The following MTMR3 variants were observed in gnomAD, a reference collection of about 807,000 sequenced individuals.
The protein encoded by MTMR3 is myotubularin related protein 3.
In MTMR3, 32 loss-of-function variants were observed where a neutral mutation model predicts 132.4. The ratio of observed to expected loss-of-function variants is 0.24; its 90% confidence interval spans 0.18 to 0.32. The LOEUF (loss-of-function observed/expected upper bound fraction) is 0.32, where lower values mean the gene tolerates loss of function less well. MTMR3 is among the 10% of genes least tolerant of loss of function. The probability of loss-of-function intolerance (pLI) is 1.00; values close to 1 mark genes in which losing one functional copy is unlikely to be tolerated. For synonymous variants in MTMR3, 556 were observed against 550.3 expected, an observed-to-expected ratio of 1.01 and a Z score of -0.14; for missense variants, 1,216 against 1,489.6, an observed-to-expected ratio of 0.82 and a Z score of 3.02.
At chr22:29,978,876 T>G in intron 4 of MTMR3, 60 bp from the exon 5 acceptor site, 1 of 1,279,058 alleles carries the variant, frequency 7.8e-7, no homozygotes, top group Non-Finnish European at 1.1e-6. Context: ...CCAACTGATG[T>G]TTGAAGCTTT....
chr22:29,915,689 G>T (rs1356102092), intron 1 of MTMR3, among the ~76,000 whole-genome samples: 1 of 152,168 alleles, frequency 6.6e-6, no homozygotes, highest in Non-Finnish European at 1.5e-5. Context: ...CTCCTAAAGT[G>T]CTGGGATTAC....
intron 2 of MTMR3, among the ~76,000 whole-genome samples, chr22:29,970,056 GAGC>G (rs2066502569): frequency 6.6e-6 from 1 of 152,152 alleles, no homozygotes; most frequent in African/African-American, 2.4e-5. Flanking sequence ...TCAAAGAAAA[GAGC>G]AACTTACTTA....
rs556300971 is a variant in MTMR3, at chr22:29,957,451, T to A, written c.-85+363T>A. 1.6e-3 allele frequency among the ~76,000 whole-genome samples: 194 copies of A among 121,872 alleles called. 1 individual carries two copies. Among genetic ancestry groups the A allele is most frequent in the African/African-American group, 5.5e-3 (190 of 34,832 alleles). 80.0% of individuals were successfully genotyped at this position (121,872 alleles called of 152,430 possible). A position where few individuals can be genotyped will look rare whatever the true frequency, so the allele number is the denominator to read the frequency against. On this transcript the variant is annotated intron_variant, in intron 2 of 19. Coordinates refer to ENST00000401950, the MANE Select transcript of MTMR3 (RefSeq NM_021090.4). ...TTTATTTATTTATTTATTTATTTAT[T>A]TATTTATTGATATATTTTTTGAGAC...
intron 1 of MTMR3, among the ~76,000 whole-genome samples, chr22:29,916,481 T>C (rs1360638767): frequency 6.6e-6 from 1 of 152,126 alleles, no homozygotes; most frequent in Non-Finnish European, 1.5e-5. Context: ...CTGGCTGGGG[T>C]CTGGAAACTG....
chr22:29,945,598 G>T (rs2065937331), intron 1 of MTMR3, among the ~76,000 whole-genome samples: 1 of 151,898 alleles, frequency 6.6e-6, no homozygotes, highest in Admixed American at 6.6e-5. Flanking sequence ...CCAGCTACTT[G>T]GGAGGCTGAG....
At chr22:29,891,053 A>G (rs1347466482) in intron 1 of MTMR3, among the ~76,000 whole-genome samples, 1 of 152,090 alleles carries the variant, frequency 6.6e-6, no homozygotes, top group Non-Finnish European at 1.5e-5. Flanking sequence ...TGAGATGGGA[A>G]GAATGAAGTC....
chr22:29,908,862 G>A (rs916842706), intron 1 of MTMR3, among the ~76,000 whole-genome samples: 1 of 152,098 alleles, frequency 6.6e-6, no homozygotes, highest in Non-Finnish European at 1.5e-5. Flanking sequence ...GGAATAAAAA[G>A]TTAATTTCCA....
intron 13 of MTMR3, chr22:30,013,142 T>C (rs2067477543): frequency 2.4e-6 from 1 of 412,928 alleles, no homozygotes; most frequent in Admixed American, 4.1e-5. Flanking sequence ...ACGCAGTCAG[T>C]ACCATTTTAG....
rs1194298243 is a variant in MTMR3, at chr22:29,957,041, C to T, written c.-132C>T. 6.6e-6 allele frequency: 1 copy of T among 152,202 alleles called. No individual in the cohort carries two copies. Among genetic ancestry groups the T allele is most frequent in the Non-Finnish European group, 1.5e-5 (1 of 68,008 alleles). The allele number at this position is 152,202 out of a possible 1,614,324, so 9.4% of individuals were successfully genotyped here. A position where few individuals can be genotyped will look rare whatever the true frequency, so the allele number is the denominator to read the frequency against. The stretch of plus-strand genomic sequence containing the variant: ...AACTGTTTTTTCTTTTGCAGACTTC[C>T]TTGTGAAACCTCCTAGTAGAAAAAG... On this transcript the variant is annotated 5_prime_UTR_variant, in exon 2 of 20. Transcript: ENST00000401950.
chr22:29,946,379 A>C (rs2065954251), intron 1 of MTMR3, among the ~76,000 whole-genome samples: 1 of 152,176 alleles, frequency 6.6e-6, no homozygotes. Context: ...ATGTGCTAGC[A>C]ATAGCAGTCA....
At chr22:29,901,060 G>T (rs1199194322) in intron 1 of MTMR3, among the ~76,000 whole-genome samples, 2 of 152,086 alleles carry the variant, frequency 1.3e-5, no homozygotes, top group East Asian at 3.9e-4. Flanking sequence ...CAAATGTTAA[G>T]ATTTTATAAT....
chr22:30,016,232 C>T (rs931978890), intron 14 of MTMR3: 13 of 327,552 alleles, frequency 4.0e-5, no homozygotes, highest in African/African-American at 2.7e-4. Flanking sequence ...TGCTCCTGCA[C>T]CCAGTTCATA....
chr22:30,008,759 A>G (rs75394260), intron 11 of MTMR3: 167 of 370,706 alleles, frequency 4.5e-4, no homozygotes, highest in Middle Eastern at 2.2e-3. Flanking sequence ...CTTTTAAAAA[A>G]TAATAGCTTT....
intron 2 of MTMR3, among the ~76,000 whole-genome samples, chr22:29,967,512 G>A (rs1035768833): frequency 1.3e-5 from 2 of 151,470 alleles, no homozygotes; most frequent in Admixed American, 1.3e-4. Context: ...GATTATAAGA[G>A]TGAGCCACTG....
chr22:29,888,513 T>C (rs1255886435), intron 1 of MTMR3, among the ~76,000 whole-genome samples: 2 of 152,212 alleles, frequency 1.3e-5, no homozygotes, highest in East Asian at 1.9e-4. Context: ...AAAGCTATTC[T>C]GTTAGTGGTG....
chr22:30,020,220 T>G lies in MTMR3; in HGVS notation c.2561T>G (p.Val854Gly), dbSNP rs991824605. ...SSTDMLVEDKVKSVSGPQGHH... is the reference protein window; with the variant it reads ...SSTDMLVEDKGKSVSGPQGHH... ...ACAGACATGTTAGTGGAAGATAAGG[T>G]GAAGTCAGTAAGTGGGCCCCAAGGT... is the stretch of plus-strand genomic sequence containing the variant. The change falls in exon 17 of 20, where the codon GTG becomes GGG. Residue 854 changes from valine to glycine, a missense_variant. Physicochemically the swap from Val to Gly is moderately radical, Grantham distance 109 (BLOSUM62 -3). Around this residue, in one of 7 missense-constraint regions of MTMR3, gnomAD observed 852 missense variants for 852.0 expected, o/e 1.00. Coordinates refer to ENST00000401950, the MANE Select transcript of MTMR3 (RefSeq NM_021090.4). The G allele has an allele frequency of 1.2e-6, 2 of 1,614,130 alleles. No homozygotes were observed. Among genetic ancestry groups the G allele is most frequent in the Admixed American group, 1.7e-5 (1 of 60,028 alleles).
At chr22:30,017,788 C>T (rs1389496892) in intron 15 of MTMR3, 139 bp from the exon 16 acceptor site, 35 of 1,031,620 alleles carry the variant, frequency 3.4e-5, no homozygotes, top group Non-Finnish European at 4.9e-5. Flanking sequence ...GACCTGTATC[C>T]ATTGGTGCTG....
At chr22:29,956,136 A>G (rs1270890522) in intron 1 of MTMR3, among the ~76,000 whole-genome samples, 2 of 152,214 alleles carry the variant, frequency 1.3e-5, no homozygotes, top group Non-Finnish European at 2.9e-5. Flanking sequence ...GCTCAAATGG[A>G]TGAGTCGTGT....
chr22:29,911,415 C>T (rs1475553002), intron 1 of MTMR3, among the ~76,000 whole-genome samples: 3 of 152,080 alleles, frequency 2.0e-5, no homozygotes, highest in Admixed American at 6.5e-5. Context: ...TGGTAGCACA[C>T]GCCTGTGGTC....
Sources: gnomAD v4.1 joint callset for allele counts (sites outside exome capture counted in the v4.1 genomes callset) on GRCh38, gnomAD v4.1.1 for gene constraint, gnomAD v4.1.1 regional missense constraint, MANE v1.5 for transcripts, NCBI Gene and HGNC (gene_info 2026-07-23, HGNC 2026-07-21) for gene names.